ZNF124: variants seen among roughly 807,000 people sequenced by gnomAD.
The protein encoded by ZNF124 is zinc finger protein HZF-16.
ZNF124 carries 25 observed loss-of-function variants against 26.6 expected under a neutral mutation model. The observed-to-expected ratio is 0.94, with a 90% CI of 0.68 to 1.31. The LOEUF is 1.31. ZNF124 is among the 40% of genes most tolerant of loss of function. The pLI is 0.00. For synonymous variants in ZNF124, 129 were observed against 133.3 expected (o/e 0.97, Z 0.22); for missense variants, 444 against 422.2 (o/e 1.05, Z -0.45).
At position 247,124,253 on chromosome 1, in the gene ZNF124, G is replaced by C. The variant is rs577304533; in HGVS notation, c.219-382C>G. On this transcript the variant is annotated intron_variant, in intron 3 of 3. Coordinates refer to the ZNF124 transcript ENST00000472531. Reference sequence around the variant, plus strand: ...GAGTCTCGCTCTGTCGCCCAGGCTGGAGTGCAAAGGTGTGATCTTGGCTCA... The same window carrying C: ...GAGTCTCGCTCTGTCGCCCAGGCTGCAGTGCAAAGGTGTGATCTTGGCTCA... 8.6e-5 allele frequency among the ~76,000 whole-genome samples: 13 copies of C among 151,780 alleles called. No homozygotes were observed. In the South Asian group the frequency reaches 1.5e-3, roughly 17 times the overall value.
intron 3 of ZNF124, among the ~76,000 whole-genome samples, chr1:247,147,219 T>C (rs1254988599): frequency 2.7e-5 from 4 of 150,542 alleles, no homozygotes; most frequent in African/African-American, 4.9e-5. Context: ...CTGTTAGTCA[T>C]TGGCTTAACT....
At chr1:247,147,289 C>A (rs980113613) in intron 3 of ZNF124, among the ~76,000 whole-genome samples, 2 of 149,808 alleles carry the variant, frequency 1.3e-5, no homozygotes, top group Admixed American at 6.7e-5. Context: ...TCCAGTGGCA[C>A]GATCTCAGCC....
Position 247,124,208 on chromosome 1 carries a change from C to CTT in ZNF124, c.219-339_219-338dup, listed in dbSNP as rs550995743. Among the ~76,000 whole-genome samples the CTT allele has an allele frequency of 5.0e-3, 705 of 142,064 alleles. 9 individuals carry two copies. The highest frequency in any genetic ancestry group is 0.017 in the African/African-American group (672 of 38,916). The allele number at this position is 142,064 out of a possible 152,430, so 93.2% of individuals were successfully genotyped here. On this transcript the variant is annotated intron_variant, in intron 3 of 3. Coordinates refer to the ZNF124 transcript ENST00000472531. ...CCATTTAAAATGAATGATTTTGTGG[C>CTT]TTTTTTTTTTTTTGAGACAGAGTCT...
chr1:247,160,116 G>A (rs181951465), intron 1 of ZNF124, among the ~76,000 whole-genome samples: 13 of 151,050 alleles, frequency 8.6e-5, no homozygotes, highest in African/African-American at 2.9e-4. Flanking sequence ...CTCTCAAGTA[G>A]CTGGGACTAC....
chr1:247,170,875 G>A (rs1169384265), intron 1 of ZNF124, among the ~76,000 whole-genome samples: 2 of 121,370 alleles, frequency 1.6e-5, no homozygotes, highest in Admixed American at 7.9e-5. Flanking sequence ...ACCAGGCCCA[G>A]GACGCGGCGC....
intron 1 of ZNF124, among the ~76,000 whole-genome samples, chr1:247,166,695 G>A (rs1172830439): frequency 2.0e-5 from 3 of 152,156 alleles, no homozygotes; most frequent in Non-Finnish European, 4.4e-5. Flanking sequence ...AACACACAGT[G>A]TACCAAGAAT....
chr1:247,160,279 C>T (rs922993137), intron 1 of ZNF124, among the ~76,000 whole-genome samples: 1 of 152,224 alleles, frequency 6.6e-6, no homozygotes, highest in South Asian at 2.1e-4. Flanking sequence ...CCACCGCGCT[C>T]AGCCAGCAGT....
chr1:247,127,334 C>T (rs571971945), intron 3 of ZNF124, among the ~76,000 whole-genome samples: 2 of 4,320 alleles, frequency 4.6e-4, no homozygotes, highest in Admixed American at 2.1e-3. Flanking sequence ...GTTATGTAAT[C>T]AGAGGTAAAT....
chr1:247,150,042 G>A (rs1242292920), downstream of ZNF124: 1 of 152,160 alleles, frequency 6.6e-6, no homozygotes, highest in South Asian at 2.1e-4. Context: ...TGAGGGCACA[G>A]CCTTTATGAC....
chr1:247,157,387 A>C lies in ZNF124; in HGVS notation c.235T>G (p.Ser79Ala). 1 of 1,552,542 alleles carries C rather than the reference A, an allele frequency of 6.4e-7. No homozygotes were observed. ...TCACACCCATATGGGTTGTTTCCAG[A>C]ATGAGATATGATGTGCCTATGAAGG... ...SRNLRHIISH[S>A]GNNPYGCEEC... is the part of the protein sequence containing the mutation. The change falls in exon 4 of 4, where the codon TCT (serine) becomes GCT (alanine). Residue 79 changes from serine to alanine, a missense_variant. Transcript: ENST00000543802.
At chr1:247,144,604 C>T (rs1272777219) in intron 3 of ZNF124, among the ~76,000 whole-genome samples, 1 of 152,132 alleles carries the variant, frequency 6.6e-6, no homozygotes, top group African/African-American at 2.4e-5. Flanking sequence ...GAGCTCCTGT[C>T]AAGCTGAATC....
intron 2 of ZNF124, 151 bp from the exon 3 acceptor site, chr1:247,159,217 G>C: frequency 1.5e-6 from 1 of 659,330 alleles, no homozygotes; most frequent in Non-Finnish European, 2.5e-6. Context: ...TTGTGTTATG[G>C]GTACAGATTC....
At chr1:247,163,547 G>A (rs530785700) in intron 1 of ZNF124, among the ~76,000 whole-genome samples, 7 of 150,138 alleles carry the variant, frequency 4.7e-5, no homozygotes, top group South Asian at 2.1e-4. Context: ...CTAGAAAAAC[G>A]AATACATTCC....
intron 3 of ZNF124, among the ~76,000 whole-genome samples, chr1:247,145,774 G>A (rs61404836): frequency 0.029 from 4,383 of 152,070 alleles, 229 homozygotes; most frequent in African/African-American, 0.1. Flanking sequence ...GATTACAGGC[G>A]CCTACCACCA....
intron 3 of ZNF124, among the ~76,000 whole-genome samples, chr1:247,147,014 TG>T (rs1182143827): frequency 1.3e-5 from 2 of 151,994 alleles, no homozygotes; most frequent in African/African-American, 4.8e-5. Context: ...TGTGCAAATT[TG>T]GGGGGAGTTA....
intron 3 of ZNF124, among the ~76,000 whole-genome samples, chr1:247,142,369 G>A (rs1485438215): frequency 6.6e-6 from 1 of 152,140 alleles, no homozygotes; most frequent in Admixed American, 6.5e-5. Context: ...GCTGATTACT[G>A]ACAAATTTTG....
rs1169790749 is a variant in ZNF124, at chr1:247,155,442, T to C, written c.*1124A>G. On this transcript the variant is annotated 3_prime_UTR_variant, in exon 4 of 4. Transcript: ENST00000543802. The stretch of plus-strand genomic sequence containing the variant: ...CTATGCAAGAAAAAAGGAAAAGAAA[T>C]ACATTTCAATTTACCCATATAACCA... 1.3e-5 allele frequency among the ~76,000 whole-genome samples: 2 copies of C among 152,018 alleles called. No homozygotes were observed. Among genetic ancestry groups the C allele is most frequent in the African/African-American group, 4.8e-5 (2 of 41,418 alleles).
At chr1:247,139,083 A>G (rs929830863) in intron 3 of ZNF124, among the ~76,000 whole-genome samples, 1 of 152,186 alleles carries the variant, frequency 6.6e-6, no homozygotes, top group Non-Finnish European at 1.5e-5. Flanking sequence ...CATCTTACAT[A>G]TGTTAATTGA....
chr1:247,124,689 A>G (rs1183992436), intron 3 of ZNF124, among the ~76,000 whole-genome samples: 1 of 152,238 alleles, frequency 6.6e-6, no homozygotes, highest in African/African-American at 2.4e-5. Flanking sequence ...GACATTTCAT[A>G]TAAAAATAAA....
Sources: gnomAD v4.1 joint callset for allele counts (sites outside exome capture counted in the v4.1 genomes callset) on GRCh38, gnomAD v4.1.1 for gene constraint, MANE v1.5 for transcripts, NCBI Gene and HGNC (gene_info 2026-07-23, HGNC 2026-07-21) for gene names.